Variants in BRWD1 observed in about 807,000 individuals in gnomAD.
BRWD1 encodes bromodomain and WD repeat-containing protein 1.
BRWD1 carries 82 observed loss-of-function variants against 251.2 expected under a neutral mutation model. That is an observed-to-expected ratio of 0.33 (90% CI 0.27 to 0.39). BRWD1 has a LOEUF of 0.39. Ranked by LOEUF, BRWD1 falls within the 10% of genes least tolerant of loss-of-function variation. The pLI is 1.00. For synonymous variants in BRWD1, 918 were observed against 902.8 expected, an observed-to-expected ratio of 1.02 and a Z score of -0.30; for missense variants, 2,233 against 2,711.6, an observed-to-expected ratio of 0.82 and a Z score of 3.92.
At chr21:39,314,088 AC>A (rs2036632688), upstream of BRWD1, 2 of 455,876 alleles carry the variant, frequency 4.4e-6, no homozygotes, top group South Asian at 3.1e-5. Context: ...GGGTCATTTC[AC>A]GGACCGGTCG....
chr21:39,208,978 C>A (rs886617304), intron 36 of BRWD1, among the ~76,000 whole-genome samples: 45 of 135,930 alleles, frequency 3.3e-4, no homozygotes, highest in South Asian at 4.8e-4. Flanking sequence ...TACAAAATGA[C>A]AAAAAAAAAA....
chr21:39,259,704 G>A (rs2034678300), intron 17 of BRWD1, among the ~76,000 whole-genome samples: 1 of 152,132 alleles, frequency 6.6e-6, no homozygotes, highest in Non-Finnish European at 1.5e-5. Flanking sequence ...GGGCCTGGTG[G>A]CGCACGCCTG....
At chr21:39,294,344 A>G (rs890373638) in intron 7 of BRWD1, among the ~76,000 whole-genome samples, 2 of 152,182 alleles carry the variant, frequency 1.3e-5, no homozygotes, top group African/African-American at 2.4e-5. Context: ...CGGCTCTCTT[A>G]TATCAACTAA....
Position 39,313,549 on chromosome 21 carries a change from C to T in BRWD1, c.-58G>A, listed in dbSNP as rs893211219. 7.8e-7 allele frequency: 1 copy of T among 1,279,166 alleles called. No homozygotes were observed. Among genetic ancestry groups the T allele is most frequent in the East Asian group, 3.2e-5 (1 of 31,458 alleles). 79.2% of individuals were successfully genotyped at this position (1,279,166 alleles called of 1,614,324 possible). A position where few individuals can be genotyped will look rare whatever the true frequency, so the allele number is the denominator to read the frequency against. ...GAGCGAGCGGAGCGTGTAGGCCGCG[C>T]CGAGGCCTGACCGGGCTGGCGTCCC... On this transcript the variant is annotated 5_prime_UTR_variant, in exon 1 of 41. Transcript: ENST00000342449.
At chr21:39,255,574 G>A in intron 19 of BRWD1, 71 bp downstream of exon 19, 3 of 1,258,378 alleles carry the variant, frequency 2.4e-6, no homozygotes, top group Non-Finnish European at 3.4e-6. Flanking sequence ...ATGGAATACA[G>A]AATGTGTAAA....
chr21:39,297,361 C>T, intron 5 of BRWD1: 2 of 985,384 alleles, frequency 2.0e-6, no homozygotes, highest in African/African-American at 1.7e-5. Flanking sequence ...GGTACCAGTA[C>T]AAAACAAACA....
chr21:39,294,145 T>A, intron 7 of BRWD1, 113 bp from the exon 8 acceptor site: 1 of 754,050 alleles, frequency 1.3e-6, no homozygotes, highest in East Asian at 2.7e-5. Flanking sequence ...AACTATAGAA[T>A]ACTCTCTTAT....
intron 37 of BRWD1, among the ~76,000 whole-genome samples, chr21:39,203,917 C>T (rs371180660): frequency 2.9e-4 from 36 of 125,198 alleles, no homozygotes; most frequent in African/African-American, 9.2e-4. Context: ...TTTGGAAGCC[C>T]GAGGCAGGTG....
intron 19 of BRWD1, 33 bp downstream of exon 19, chr21:39,255,612 A>G: frequency 1.3e-6 from 2 of 1,542,932 alleles, no homozygotes. Context: ...TTTCACAGAT[A>G]GAAACATTAT....
At chr21:39,201,715 TCCA>T (rs1272254649) in intron 38 of BRWD1, among the ~76,000 whole-genome samples, 9 of 152,244 alleles carry the variant, frequency 5.9e-5, no homozygotes, top group Non-Finnish European at 1.3e-4. Context: ...CTTGTCTTTC[TCCA>T]CGTTTTATCA....
At chr21:39,245,242 C>CA (rs967839571) in intron 21 of BRWD1, among the ~76,000 whole-genome samples, 1 of 151,652 alleles carries the variant, frequency 6.6e-6, no homozygotes, top group African/African-American at 2.4e-5. Flanking sequence ...GACCCTGTCT[C>CA]AAAAAAATAA....
chr21:39,313,215 G>A (rs1303114158), intron 2 of BRWD1, 26 bp downstream of exon 2: 1 of 1,521,956 alleles, frequency 6.6e-7, no homozygotes, highest in East Asian at 2.6e-5. Flanking sequence ...CGCCAAGTCC[G>A]CAGCCGCCCG....
intron 8 of BRWD1, among the ~76,000 whole-genome samples, chr21:39,284,952 T>C (rs1418395132): frequency 6.6e-6 from 1 of 152,202 alleles, no homozygotes; most frequent in African/African-American, 2.4e-5. Flanking sequence ...GTTTTTGCTT[T>C]TGTTCCCTAT....
At position 39,196,347 on chromosome 21, in the gene BRWD1, T is replaced by A; in HGVS notation, c.6722A>T (p.Asn2241Ile). The A allele has an allele frequency of 6.2e-7, 1 of 1,613,666 alleles. No homozygotes were observed. The highest frequency in any genetic ancestry group is 8.5e-7 in the Non-Finnish European group (1 of 1,179,684). The change falls in exon 41 of 41, where the codon AAT becomes ATT. Residue 2241 changes from asparagine to isoleucine, a missense_variant. By Grantham distance (149) the Asn-to-Ile change is moderately radical. This residue lies in a region of BRWD1 where 928 missense variants were observed against 970.0 expected (regional missense o/e 0.96). Transcript: ENST00000342449. The part of the protein sequence containing the change: ...VLRRSKIKTR[N>I]QGRRTVRYHD... ...GTATCTCACAGTCCTTCTACCCTGA[T>A]TTCTCGTTTTTATTTTTGAACGTCG...
intron 21 of BRWD1, among the ~76,000 whole-genome samples, chr21:39,240,465 G>A (rs2033949834): frequency 6.6e-6 from 1 of 152,220 alleles, no homozygotes; most frequent in African/African-American, 2.4e-5. Context: ...CTGCACTCCA[G>A]CCTGGGCCAT....
chr21:39,218,110 A>C (rs1242331621), intron 31 of BRWD1, 42 bp downstream of exon 31: 1 of 1,560,820 alleles, frequency 6.4e-7, no homozygotes, highest in Non-Finnish European at 8.6e-7. Context: ...AATATTGCCA[A>C]ATATAGCTTT....
chr21:39,241,104 T>C (rs2033977507), intron 21 of BRWD1, among the ~76,000 whole-genome samples: 1 of 151,394 alleles, frequency 6.6e-6, no homozygotes. Flanking sequence ...AGAGACAGCC[T>C]TCAGCCACCC....
rs1568849539 is a variant in BRWD1, at chr21:39,194,236, T to C, written c.*2023A>G. ...TTTATACCAAAAGAATGTATGTACT[T>C]ATGAATGTATTCCATATTTATTTAT... On this transcript the variant is annotated 3_prime_UTR_variant, in exon 41 of 41. Transcript: ENST00000342449. The C allele has an allele frequency of 1.0e-6, 1 of 985,602 alleles. No individual in the cohort carries two copies. Among genetic ancestry groups the C allele is most frequent in the Non-Finnish European group, 1.2e-6 (1 of 828,328 alleles). The allele number at this position is 985,602 out of a possible 1,614,324, so 61.1% of individuals were successfully genotyped here.
intron 21 of BRWD1, 142 bp downstream of exon 21, chr21:39,247,559 A>T: frequency 2.2e-6 from 2 of 912,122 alleles, no homozygotes; most frequent in African/African-American, 1.7e-5. Context: ...AGTTTTTGTT[A>T]ACATTCAAAA....
Sources: gnomAD v4.1 joint callset for allele counts (sites outside exome capture counted in the v4.1 genomes callset) on GRCh38, gnomAD v4.1.1 for gene constraint, gnomAD v4.1.1 regional missense constraint, MANE v1.5 for transcripts, NCBI Gene and HGNC (gene_info 2026-07-23, HGNC 2026-07-21) for gene names.